Variants in FBXL3 observed in about 807,000 individuals in gnomAD.
The protein encoded by FBXL3 is F-box and leucine rich repeat protein 3.
FBXL3 carries 14 observed loss-of-function variants against 37.9 expected under a neutral mutation model. The ratio of observed to expected loss-of-function variants is 0.37; its 90% CI spans 0.24 to 0.58. FBXL3 has a LOEUF of 0.58. Among genes scored for constraint, FBXL3 ranks in the 20% least tolerant of loss-of-function variants. The probability of loss-of-function intolerance (pLI) is 0.74; values close to 1 mark genes in which losing one functional copy is unlikely to be tolerated. For missense variants in FBXL3, 327 were observed against 511.1 expected, an observed-to-expected ratio of 0.64 and a Z score of 3.47; for synonymous variants, 194 against 180.1, an observed-to-expected ratio of 1.08 and a Z score of -0.62.
intron 1 of FBXL3, among the ~76,000 whole-genome samples, chr13:77,025,093 C>G (rs2034812656): frequency 6.6e-6 from 1 of 152,170 alleles, no homozygotes. Context: ...TTCCAGCCTG[C>G]AAATAATTTA....
At chr13:77,009,481 C>T (rs1430968311) in intron 4 of FBXL3, 1 of 152,232 alleles carries the variant, frequency 6.6e-6, no homozygotes, top group African/African-American at 2.4e-5. Flanking sequence ...GCACACGCCA[C>T]CACGCCCGGC....
intron 1 of FBXL3, among the ~76,000 whole-genome samples, chr13:77,025,169 T>A (rs991796126): frequency 2.6e-5 from 4 of 152,142 alleles, no homozygotes; most frequent in African/African-American, 9.7e-5. Context: ...TGAAAAGAAG[T>A]GTGGAGAACC....
chr13:77,018,615 A>C lies in FBXL3; in HGVS notation c.456T>G (p.Phe152Leu), dbSNP rs747145560. The C allele has an allele frequency of 5.0e-6, 8 of 1,589,048 alleles. No homozygotes were observed. The highest frequency in any genetic ancestry group is 1.4e-5 in the African/African-American group (1 of 73,874). The change falls in exon 3 of 5, where the codon TTT (phenylalanine) becomes TTG (leucine). Residue 152 changes from phenylalanine to leucine, a missense_variant. Transcript: ENST00000355619. ...LGLISTARPS[F>L]MDLPKSHFIS... ...CAGCAGATACCTTTGGTAAATCCAT[A>C]AAGCTTGGTCGAGCAGTTGAAATAA...
At chr13:77,012,659 C>T (rs1405016600) in intron 4 of FBXL3, 1 of 152,086 alleles carries the variant, frequency 6.6e-6, no homozygotes, top group Non-Finnish European at 1.5e-5. Flanking sequence ...AATACAGTCC[C>T]TAATTTCAAC....
rs1269674309 is a variant in FBXL3, at chr13:77,027,127, G to C, written c.-302C>G. 1.3e-5 allele frequency: 2 copies of C among 151,282 alleles called. No individual in the cohort carries two copies. The allele number at this position is 151,282 out of a possible 1,614,324, so 9.4% of individuals were successfully genotyped here. On this transcript the variant is annotated 5_prime_UTR_variant, in exon 1 of 5. Coordinates refer to ENST00000355619, the MANE Select transcript of FBXL3 (RefSeq NM_012158.4). ...TCAGCGAGCGGCTGCCACCGCGTAA[G>C]CTTCCTGCACCTGGGCCACAAACAG...
In FBXL3 at chr13:77,019,801, ACT is replaced by A. The variant is rs1010379305; in HGVS notation, c.349-1081_349-1080del. On this transcript the variant is annotated intron_variant, in intron 2 of 4. Transcript: ENST00000355619. Reference sequence around the variant, plus strand: ...GAGCCCAGAAGAATCCTGTGATGTGACTCTTTTTTGTAAATCAGAAATTATTT... The same window carrying A: ...GAGCCCAGAAGAATCCTGTGATGTGACTTTTTTGTAAATCAGAAATTATTT... Among the ~76,000 whole-genome samples the A allele has an allele frequency of 3.9e-5, 6 of 151,902 alleles. No individual in the cohort carries two copies. The South Asian group carries it at 6.2e-4, about 16-fold the overall frequency.
At chr13:77,010,190 C>G (rs997418899) in intron 4 of FBXL3, 26 of 151,962 alleles carry the variant, frequency 1.7e-4, no homozygotes, top group African/African-American at 5.8e-4. Flanking sequence ...CACCGTGGCA[C>G]GTGTATATCT....
chr13:77,008,077 C>T (rs2034484766), intron 4 of FBXL3, among the ~76,000 whole-genome samples: 1 of 152,150 alleles, frequency 6.6e-6, no homozygotes, highest in African/African-American at 2.4e-5. Flanking sequence ...TTAGGGCATT[C>T]CAGTAATGCA....
At chr13:77,011,701 C>A (rs1039215462) in intron 4 of FBXL3, among the ~76,000 whole-genome samples, 3 of 138,364 alleles carry the variant, frequency 2.2e-5, no homozygotes, top group Non-Finnish European at 3.0e-5. Flanking sequence ...CCAGCCTGGG[C>A]GACAGAGTGA....
chr13:77,026,265 G>A (rs1473474576), intron 1 of FBXL3: 1 of 985,308 alleles, frequency 1.0e-6, no homozygotes, highest in Non-Finnish European at 1.2e-6. Context: ...AGGCAGACGC[G>A]AATCCGCTCA....
intron 1 of FBXL3, among the ~76,000 whole-genome samples, chr13:77,022,999 A>G (rs1340031490): frequency 6.6e-6 from 1 of 152,182 alleles, no homozygotes; most frequent in Non-Finnish European, 1.5e-5. Flanking sequence ...AGGCTTTTCA[A>G]AGGGGAGATA....
At chr13:77,025,782 G>A (rs547423627) in intron 1 of FBXL3, among the ~76,000 whole-genome samples, 1 of 151,120 alleles carries the variant, frequency 6.6e-6, no homozygotes, top group African/African-American at 2.4e-5. Context: ...CGTTGTATTA[G>A]GCACTTTTAC....
rs1380887058 is a variant in FBXL3 at position 77,005,654 on chromosome 13, T to C, written c.*1491A>G. 2 of 152,170 alleles carry C rather than the reference T, an allele frequency of 1.3e-5. No individual in the cohort carries two copies. 9.4% of individuals were successfully genotyped at this position (152,170 alleles called of 1,614,324 possible). A position where few individuals can be genotyped will look rare whatever the true frequency, so the allele number is the denominator to read the frequency against. ...TCACTTTTGGAAAGCAAAAATTATG[T>C]AGAAAATCACCTTTTGCTTTATTCT... On this transcript the variant is annotated 3_prime_UTR_variant, in exon 5 of 5. Coordinates refer to ENST00000355619, the MANE Select transcript of FBXL3 (RefSeq NM_012158.4).
chr13:77,012,834 G>T (rs1192893600), intron 4 of FBXL3: 1 of 152,268 alleles, frequency 6.6e-6, no homozygotes, highest in Non-Finnish European at 1.5e-5. Flanking sequence ...GAGCACAGTG[G>T]TGCGACCTCG....
chr13:77,017,962 T>C (rs1350584792), intron 3 of FBXL3: 1 of 152,152 alleles, frequency 6.6e-6, no homozygotes. Context: ...TTAGCTAACA[T>C]ATTCAGACAC....
At position 77,007,010 on chromosome 13, in the gene FBXL3, A is replaced by C. The variant is rs117178661; in HGVS notation, c.*135T>G. On this transcript the variant is annotated 3_prime_UTR_variant, in exon 5 of 5. Transcript: ENST00000355619. ...CTCATTCATGGGTCTTCCGATAAAC[A>C]ATCTTTACATATACTGACTGAAGAT... 0.011 allele frequency: 15,058 copies of C among 1,424,254 alleles called. 103 individuals carry two copies. Among genetic ancestry groups the C allele is most frequent in the Middle Eastern group, 0.024 (100 of 4,118 alleles). 88.2% of individuals were successfully genotyped at this position (1,424,254 alleles called of 1,614,324 possible).
Position 77,015,530 on chromosome 13 carries a change from C to G in FBXL3, c.522G>C (p.Leu174=). Residue 174 remains leucine, a synonymous_variant, in exon 4 of 5, where the codon CTG becomes CTC. Coordinates refer to ENST00000355619, the MANE Select transcript of FBXL3 (RefSeq NM_012158.4). Reference sequence around the variant, plus strand: ...GAGTATCATCTATCTTAAGCGAAGACAGGGATTTGGAGTTTACGAACACAA... The same window carrying G: ...GAGTATCATCTATCTTAAGCGAAGAGAGGGATTTGGAGTTTACGAACACAA... ...LTVVFVNSKS[L]SSLKIDDTPV... 6.2e-7 allele frequency: 1 copy of G among 1,604,882 alleles called. No homozygotes were observed. Among genetic ancestry groups the G allele is most frequent in the Non-Finnish European group, 8.5e-7 (1 of 1,175,660 alleles).
chr13:77,015,250 C>T, intron 4 of FBXL3, 159 bp downstream of exon 4: 1 of 439,664 alleles, frequency 2.3e-6, no homozygotes, highest in Non-Finnish European at 3.9e-6. Flanking sequence ...GGCTAGTAAC[C>T]CTACAGAACT....
chr13:77,019,124 G>A (rs1260860402), intron 2 of FBXL3: 1 of 154,428 alleles, frequency 6.5e-6, no homozygotes, highest in African/African-American at 2.4e-5. Context: ...TCACATAATA[G>A]ATGTAAATAC....
Sources: gnomAD v4.1 joint callset for allele counts (sites outside exome capture counted in the v4.1 genomes callset) on GRCh38, gnomAD v4.1.1 for gene constraint, MANE v1.5 for transcripts, NCBI Gene and HGNC (gene_info 2026-07-23, HGNC 2026-07-21) for gene names.